The following KCNB2 variants were observed in gnomAD, a reference collection of about 807,000 sequenced individuals.
KCNB2 encodes the protein delayed rectifier potassium channel protein.
Under a neutral mutation model 61.5 loss-of-function variants are expected in KCNB2, and 15 were observed. The ratio of observed to expected loss-of-function variants is 0.24; its 90% CI spans 0.16 to 0.38. The LOEUF (loss-of-function observed/expected upper bound fraction) is 0.38. KCNB2 is among the 10% of genes least tolerant of loss of function. The pLI, the probability that KCNB2 is intolerant of heterozygous loss-of-function variation, is 1.00. For missense variants in KCNB2, 828 were observed against 1,125.2 expected, an observed-to-expected ratio of 0.74 and a Z score of 3.78; for synonymous variants, 457 against 446.0, an observed-to-expected ratio of 1.02 and a Z score of -0.31.
At chr8:72,762,190 G>A (rs1360591574) in intron 2 of KCNB2, among the ~76,000 whole-genome samples, 3 of 152,202 alleles carry the variant, frequency 2.0e-5, no homozygotes, top group East Asian at 3.8e-4. Context: ...GTTACCACCT[G>A]CTTCGCAGCC....
intron 2 of KCNB2, among the ~76,000 whole-genome samples, chr8:72,603,936 A>G (rs544270315): frequency 1.3e-5 from 2 of 152,276 alleles, no homozygotes; most frequent in South Asian, 2.1e-4. Context: ...ATACCAGAAT[A>G]TTGGAGAAAG....
intron 2 of KCNB2, among the ~76,000 whole-genome samples, chr8:72,913,992 G>A (rs1199097376): frequency 2.6e-5 from 4 of 152,188 alleles, no homozygotes; most frequent in Non-Finnish European, 2.9e-5. Context: ...TCAGGCTGCT[G>A]CAACAAATAC....
At chr8:72,579,608 G>A (rs1330606308) in intron 2 of KCNB2, among the ~76,000 whole-genome samples, 1 of 152,122 alleles carries the variant, frequency 6.6e-6, no homozygotes, top group Non-Finnish European at 1.5e-5. Flanking sequence ...AAGTTAAGCT[G>A]GTTTTACTTT....
chr8:72,651,612 G>A (rs77953203), intron 2 of KCNB2, among the ~76,000 whole-genome samples: 2,131 of 152,024 alleles, frequency 0.014, 42 homozygotes, highest in African/African-American at 0.049. Flanking sequence ...GCCCAGATGT[G>A]GTTCATCCAC....
chr8:72,765,840 A>G (rs1003958016), intron 2 of KCNB2, among the ~76,000 whole-genome samples: 1 of 152,218 alleles, frequency 6.6e-6, no homozygotes, highest in Non-Finnish European at 1.5e-5. Context: ...CCAAATATTT[A>G]AATTTTTAAC....
chr8:72,543,984 C>G (rs1057277899), intron 1 of KCNB2, among the ~76,000 whole-genome samples: 2 of 152,158 alleles, frequency 1.3e-5, no homozygotes, highest in Non-Finnish European at 2.9e-5. Flanking sequence ...CAAAATCAAA[C>G]TATGTAGTTT....
At chr8:72,855,918 T>C (rs1810200561) in intron 2 of KCNB2, among the ~76,000 whole-genome samples, 1 of 152,218 alleles carries the variant, frequency 6.6e-6, no homozygotes, top group Non-Finnish European at 1.5e-5. Flanking sequence ...TCCCATATAC[T>C]TTAAATCATC....
intron 2 of KCNB2, among the ~76,000 whole-genome samples, chr8:72,679,295 A>G (rs1806713270): frequency 6.6e-6 from 1 of 152,220 alleles, no homozygotes. Context: ...TTATGTTCTT[A>G]TTCATACACA....
intron 2 of KCNB2, among the ~76,000 whole-genome samples, chr8:72,638,777 G>A (rs1585800116): frequency 6.6e-6 from 1 of 152,232 alleles, no homozygotes; most frequent in East Asian, 1.9e-4. Context: ...GGGAGGTTAG[G>A]TGACCTGCTA....
intron 2 of KCNB2, among the ~76,000 whole-genome samples, chr8:72,922,589 A>G (rs1307709173): frequency 6.6e-6 from 1 of 152,206 alleles, no homozygotes; most frequent in African/African-American, 2.4e-5. Context: ...AAAGGCAGGA[A>G]TGCTCTCTTC....
At chr8:72,854,485 T>TGTTTACCAAGTATCTGCTAA (rs1406561757) in intron 2 of KCNB2, among the ~76,000 whole-genome samples, 1 of 152,208 alleles carries the variant, frequency 6.6e-6, no homozygotes, top group Non-Finnish European at 1.5e-5. Flanking sequence ...ACTTAACAAA[T>TGTTTACCAAGTATCTGCTAA]GTTTACCAAG....
chr8:72,933,940 T>C (rs906308998), intron 2 of KCNB2, among the ~76,000 whole-genome samples: 3 of 152,192 alleles, frequency 2.0e-5, no homozygotes, highest in African/African-American at 7.2e-5. Context: ...AGAAAAAGTA[T>C]AAAACACTAA....
At chr8:72,604,213 G>A (rs1164637764) in intron 2 of KCNB2, among the ~76,000 whole-genome samples, 6 of 152,128 alleles carry the variant, frequency 3.9e-5, no homozygotes, top group Non-Finnish European at 5.9e-5. Flanking sequence ...TTTTATATAC[G>A]TTAAACGAGT....
rs573605925 is a variant in KCNB2, at chr8:72,550,365, C to G, written c.-94+12480C>G. Among the ~76,000 whole-genome samples, 7 of 152,286 alleles carry G rather than the reference C, an allele frequency of 4.6e-5. No individual in the cohort carries two copies. In the East Asian group the frequency reaches 1.4e-3, roughly 29 times the overall value. ...TTAAACACTTTTCAGGTGTAAAGTA[C>G]TCTGCTAGGTCATGAGGTTATGCAA... On this transcript the variant is annotated intron_variant, in intron 1 of 2. Transcript: ENST00000523207.
chr8:72,682,998 G>A (rs1373231570), intron 2 of KCNB2, among the ~76,000 whole-genome samples: 1 of 152,158 alleles, frequency 6.6e-6, no homozygotes, highest in African/African-American at 2.4e-5. Flanking sequence ...AAGTTGTTTT[G>A]TGTTCTTGTT....
intron 2 of KCNB2, among the ~76,000 whole-genome samples, chr8:72,930,085 T>A (rs1447789556): frequency 6.6e-6 from 1 of 151,906 alleles, no homozygotes; most frequent in African/African-American, 2.4e-5. Flanking sequence ...TTGCTGAGAA[T>A]GATCGTTTCC....
At chr8:72,758,531 G>T (rs1351748237) in intron 2 of KCNB2, among the ~76,000 whole-genome samples, 1 of 152,134 alleles carries the variant, frequency 6.6e-6, no homozygotes, top group Non-Finnish European at 1.5e-5. Flanking sequence ...ATCCAAGCCT[G>T]TTTTTAGATG....
At chr8:72,752,272 T>C (rs1215474048) in intron 2 of KCNB2, among the ~76,000 whole-genome samples, 1 of 152,198 alleles carries the variant, frequency 6.6e-6, no homozygotes, top group Non-Finnish European at 1.5e-5. Flanking sequence ...GAAGCTATGA[T>C]AGTTAATTTC....
At position 72,561,721 on chromosome 8, in the gene KCNB2, A is replaced by ATGTATATATATATACG. The variant is rs1554576117; in HGVS notation, c.-93-5920_-93-5919insGTATATATATATACGT. On this transcript the variant is annotated intron_variant, in intron 1 of 2. Coordinates refer to ENST00000523207, the MANE Select transcript of KCNB2 (RefSeq NM_004770.3). The stretch of plus-strand genomic sequence containing the variant: ...TATATATATATATATATATATATAT[A>ATGTATATATATATACG]TATATATCTATATCTATATATATAT... 3.4e-4 allele frequency among the ~76,000 whole-genome samples: 8 copies of ATGTATATATATATACG among 23,630 alleles called. No homozygotes were observed. In the East Asian group the frequency reaches 0.016, roughly 47 times the overall value. The allele number at this position is 23,630 out of a possible 152,430, so 15.5% of individuals were successfully genotyped here.
Sources: gnomAD v4.1 joint callset for allele counts (sites outside exome capture counted in the v4.1 genomes callset) on GRCh38, gnomAD v4.1.1 for gene constraint, MANE v1.5 for transcripts, NCBI Gene and HGNC (gene_info 2026-07-23, HGNC 2026-07-21) for gene names.